The following FBRSL1 variants were observed in gnomAD, a reference collection of about 807,000 sequenced individuals.
FBRSL1 encodes the protein fibrosin like 1.
In FBRSL1, 51 loss-of-function variants were observed where a neutral mutation model predicts 89.6. That is an observed-to-expected ratio of 0.57 (90% CI 0.45 to 0.72). FBRSL1 has a LOEUF of 0.72. FBRSL1 is among the 30% of genes least tolerant of loss of function. FBRSL1 has a pLI of 0.00. For missense variants in FBRSL1, 1,618 were observed against 1,451.8 expected (o/e 1.11, Z -1.86); for synonymous variants, 779 against 681.1 (o/e 1.14, Z -2.24).
At chr12:132,582,681 G>A (rs1220127635) in intron 18 of FBRSL1, among the ~76,000 whole-genome samples, 1 of 152,128 alleles carries the variant, frequency 6.6e-6, no homozygotes, top group Non-Finnish European at 1.5e-5. Flanking sequence ...GTTCGGGGGT[G>A]CGGCTGCCGG....
chr12:132,500,125 G>T (rs2032727632), intron 1 of FBRSL1, among the ~76,000 whole-genome samples: 1 of 152,196 alleles, frequency 6.6e-6, no homozygotes, highest in African/African-American at 2.4e-5. Context: ...TCTAGACTCT[G>T]CGGGAGCCAT....
chr12:132,556,657 T>C (rs796238989), intron 5 of FBRSL1, among the ~76,000 whole-genome samples: 8 of 63,506 alleles, frequency 1.3e-4, no homozygotes, highest in African/African-American at 2.7e-4. Context: ...TCATGCTGCC[T>C]CCAACCCCTG....
chr12:132,572,267 C>T lies in FBRSL1; in HGVS notation c.1378-21C>T, dbSNP rs967320614. On this transcript the variant is annotated intron_variant, in intron 9 of 18. Coordinates refer to ENST00000680143, the MANE Select transcript of FBRSL1 (RefSeq NM_001367871.1). Reference sequence around the variant, plus strand: ...CGGTGTCGTGTGTGCGGGGCCTCACCCTCCTCTCCTTCCCTTCCAGTTTGA... The same window carrying T: ...CGGTGTCGTGTGTGCGGGGCCTCACTCTCCTCTCCTTCCCTTCCAGTTTGA... 5.2e-6 allele frequency: 8 copies of T among 1,549,630 alleles called. No individual in the cohort carries two copies. In the African/African-American group the frequency reaches 5.5e-5, roughly 11 times the overall value.
intron 4 of FBRSL1, among the ~76,000 whole-genome samples, chr12:132,544,856 GGGTGATGGTGATGAGGAT>G (rs1313810290): frequency 6.6e-6 from 1 of 151,972 alleles, no homozygotes; most frequent in Admixed American, 6.6e-5. Flanking sequence ...ACGGTGATGA[GGGTGATGGTGATGAGGAT>G]GGTGATGGTA....
intron 15 of FBRSL1, among the ~76,000 whole-genome samples, chr12:132,577,571 G>T (rs2040458024): frequency 6.6e-6 from 1 of 151,974 alleles, no homozygotes; most frequent in African/African-American, 2.4e-5. Context: ...GGCCCAGGGT[G>T]GGATCTGCCG....
At chr12:132,578,882 T>C (rs2040559055) in intron 15 of FBRSL1, among the ~76,000 whole-genome samples, 1 of 152,264 alleles carries the variant, frequency 6.6e-6, no homozygotes, top group South Asian at 2.1e-4. Flanking sequence ...CATGGTGGCC[T>C]CTGGGCCATG....
intron 4 of FBRSL1, among the ~76,000 whole-genome samples, chr12:132,528,507 C>A (rs2136972373): frequency 6.6e-6 from 1 of 152,114 alleles, no homozygotes; most frequent in South Asian, 2.1e-4. Context: ...AGCCAGCACC[C>A]CGTGGCGGGC....
At chr12:132,530,620 A>T (rs572280794) in intron 4 of FBRSL1, among the ~76,000 whole-genome samples, 3 of 151,092 alleles carry the variant, frequency 2.0e-5, no homozygotes, top group African/African-American at 7.3e-5. Flanking sequence ...TCCCCAGAGC[A>T]CTCTGTGTTT....
At chr12:132,525,121 A>G (rs2035681456) in intron 2 of FBRSL1, among the ~76,000 whole-genome samples, 1 of 152,128 alleles carries the variant, frequency 6.6e-6, no homozygotes, top group Admixed American at 6.5e-5. Context: ...CAGGTGATGA[A>G]ACTGAGGCAC....
intron 4 of FBRSL1, among the ~76,000 whole-genome samples, chr12:132,541,074 G>A (rs2037221336): frequency 6.6e-6 from 1 of 151,412 alleles, no homozygotes. Context: ...CACGTCAGGT[G>A]CAAATCCACT....
chr12:132,500,539 G>A (rs2032797290), intron 1 of FBRSL1, among the ~76,000 whole-genome samples: 1 of 152,118 alleles, frequency 6.6e-6, no homozygotes, highest in African/African-American at 2.4e-5. Context: ...AGCCTCCGGG[G>A]AGTCCTGGCC....
intron 5 of FBRSL1, chr12:132,551,353 G>A (rs1439173752): frequency 2.2e-6 from 1 of 448,580 alleles, no homozygotes; most frequent in African/African-American, 2.0e-5. Flanking sequence ...GGCAGAAGAT[G>A]GAGAAGCCAC....
In FBRSL1 at chr12:132,570,033, C is replaced by T; in HGVS notation, c.799C>T (p.Pro267Ser). 1 of 1,512,296 alleles carries T rather than the reference C, an allele frequency of 6.6e-7. No homozygotes were observed. The highest frequency in any genetic ancestry group is 1.2e-5 in the South Asian group (1 of 81,298). The allele number at this position is 1,512,296 out of a possible 1,614,324, so 93.7% of individuals were successfully genotyped here. A position where few individuals can be genotyped will look rare whatever the true frequency, so the allele number is the denominator to read the frequency against. Residue 267 changes from proline to serine, a missense_variant, in exon 7 of 19, where the codon CCC (proline) becomes TCC (serine). Pro to Ser is a moderately conservative substitution (Grantham distance 74, BLOSUM62 -1). Coordinates refer to ENST00000680143, the MANE Select transcript of FBRSL1 (RefSeq NM_001367871.1). The stretch of plus-strand genomic sequence containing the variant: ...CGAGAGCTTCCTGCCCACTGCCAGC[C>T]CCGCGCCCCATGCCGCGCCCTGCCC... ...SAESFLPTAS[P>S]APHAAPCPGP...
At chr12:132,524,984 A>ACT (rs1440745394) in intron 2 of FBRSL1, among the ~76,000 whole-genome samples, 1 of 148,766 alleles carries the variant, frequency 6.7e-6, no homozygotes, top group African/African-American at 2.5e-5. Flanking sequence ...CAAATGTGTG[A>ACT]GTGTGTGCAA....
chr12:132,527,165 C>G (rs774133656), intron 3 of FBRSL1, among the ~76,000 whole-genome samples: 1 of 152,160 alleles, frequency 6.6e-6, no homozygotes, highest in African/African-American at 2.4e-5. Flanking sequence ...TACCTCCTCC[C>G]GGAAGCCTTC....
chr12:132,574,680 T>C, intron 14 of FBRSL1, 116 bp downstream of exon 14: 1 of 1,300,000 alleles, frequency 7.7e-7, no homozygotes, highest in Non-Finnish European at 1.0e-6. Context: ...GGTGTGATCC[T>C]CACGCGTGAG....
At chr12:132,581,893 A>G in intron 17 of FBRSL1, 69 bp downstream of exon 17, 1 of 1,385,286 alleles carries the variant, frequency 7.2e-7, no homozygotes, top group Non-Finnish European at 9.6e-7. Context: ...TGTCCTCTGC[A>G]GGAACCCCGA....
intron 5 of FBRSL1, chr12:132,565,418 C>T (rs1274588046): frequency 6.6e-6 from 1 of 152,216 alleles, no homozygotes; most frequent in Admixed American, 6.6e-5. Context: ...TCCATGCACA[C>T]ACTGCCACCC....
chr12:132,493,861 A>ATGG (rs1424740975), intron 1 of FBRSL1, among the ~76,000 whole-genome samples: 7 of 151,950 alleles, frequency 4.6e-5, no homozygotes, highest in African/African-American at 9.7e-5. Flanking sequence ...CACTCCCTAA[A>ATGG]TGGTGGTGGT....
Sources: allele counts gnomAD v4.1 joint callset (sites outside exome capture counted in the v4.1 genomes callset), GRCh38; gene constraint gnomAD v4.1.1; transcripts MANE v1.5; gene names NCBI Gene and HGNC (gene_info 2026-07-23, HGNC 2026-07-21).